Variants in MGAT4B observed in about 807,000 individuals in gnomAD.
MGAT4B encodes the protein N-acetylglucosaminyltransferase IVb.
A neutral mutation model predicts 73.9 loss-of-function variants in MGAT4B; 38 were observed. The observed-to-expected ratio is 0.51, with a 90% CI of 0.40 to 0.67. The LOEUF is 0.67. Among genes scored for constraint, MGAT4B ranks in the 30% least tolerant of loss-of-function variants. The pLI, the probability that MGAT4B is intolerant of heterozygous loss-of-function variation, is 0.00. For missense variants in MGAT4B, 686 were observed against 735.2 expected (o/e 0.93, Z 0.77); for synonymous variants, 373 against 313.5 (o/e 1.19, Z -2.01).
Position 179,800,237 on chromosome 5 carries a change from C to T in MGAT4B, c.742G>A (p.Asp248Asn), listed in dbSNP as rs753647215. ...RVRWRTKQNL[D>N]YCFLMMYAQS... The stretch of plus-strand genomic sequence containing the variant: ...GCGTACATCATGAGGAAGCAGTAAT[C>T]GAGGTTCTGTTTGGTCCTCCACCTG... The change falls in exon 7 of 15, where the codon GAT becomes AAT. Residue 248 changes from aspartate to asparagine, a missense_variant. By Grantham distance (23) the Asp-to-Asn change is conservative (BLOSUM62 1). Coordinates refer to ENST00000292591, the MANE Select transcript of MGAT4B (RefSeq NM_014275.5). 3 of 1,613,408 alleles carry T rather than the reference C, an allele frequency of 1.9e-6. No individual in the cohort carries two copies. Among genetic ancestry groups the T allele is most frequent in the Non-Finnish European group, 2.5e-6 (3 of 1,180,010 alleles).
rs554136636 is a variant in MGAT4B at position 179,806,106 on chromosome 5, T to TG, written c.97+380dup. 1,764 of 150,516 alleles carry TG rather than the reference T, an allele frequency of 0.012. 27 individuals are homozygous for TG. Among genetic ancestry groups the TG allele is most frequent in the African/African-American group, 0.037 (1,497 of 40,932 alleles). 9.3% of individuals were successfully genotyped at this position (150,516 alleles called of 1,614,324 possible). ...CGGCGCGGGGCAGCAGGCAGCAGGG[T>TG]GGGGGGGTGCCCTCGCGCCTGTGTC... On this transcript the variant is annotated intron_variant, in intron 1 of 14. Coordinates refer to ENST00000292591, the MANE Select transcript of MGAT4B (RefSeq NM_014275.5). This position sits in a 1 kb window ranked among gnomAD's most constrained non-coding sequence, Gnocchi z 4.6.
rs969977025 is a variant in MGAT4B at position 179,801,158 on chromosome 5, T to TGGGTAG, written c.558+170_558+175dup. 1.1e-4 allele frequency among the ~76,000 whole-genome samples: 17 copies of TGGGTAG among 151,576 alleles called. No individual in the cohort carries two copies. The highest frequency in any genetic ancestry group is 3.4e-4 in the African/African-American group (14 of 41,120). On this transcript the variant is annotated intron_variant, in intron 4 of 14. Transcript: ENST00000292591. This position sits in a 1 kb window ranked among gnomAD's most constrained non-coding sequence, Gnocchi z 4.8. ...AAGGACTAGGGGGTGGCGGGGGCGA[T>TGGGTAG]GGGTAGGGGTAGAGGGTGCCAGAAA...
chr5:179,803,175 G>A (rs549856822), intron 1 of MGAT4B: 25 of 985,598 alleles, frequency 2.5e-5, no homozygotes, highest in East Asian at 2.3e-4. Flanking sequence ...TTAAGGAGCA[G>A]GGAGCCAGGT....
rs758840770 is a variant in MGAT4B, at chr5:179,801,241, G to T, written c.558+93C>A. On this transcript the variant is annotated intron_variant, in intron 4 of 14. Coordinates refer to ENST00000292591, the MANE Select transcript of MGAT4B (RefSeq NM_014275.5). This position sits in a 1 kb window ranked among gnomAD's most constrained non-coding sequence, Gnocchi z 4.8. ...GAATGAAACTAGCAACTGAACTTCC[G>T]ACAGCTTTCTCCTCGGAATGGTTCC... 5 of 1,462,848 alleles carry T rather than the reference G, an allele frequency of 3.4e-6. No homozygotes were observed. The South Asian group carries it at 4.1e-5, about 12-fold the overall frequency. 90.6% of individuals were successfully genotyped at this position (1,462,848 alleles called of 1,614,324 possible).
At position 179,801,914 on chromosome 5, in the gene MGAT4B, G is replaced by A. The variant is rs768672968; in HGVS notation, c.153C>T (p.His51=). The change falls in exon 2 of 15, where the codon CAC becomes CAT. Residue 51 remains histidine (H), a synonymous_variant. Coordinates refer to ENST00000292591, the MANE Select transcript of MGAT4B (RefSeq NM_014275.5). The surrounding 1 kb of genome is among the most constrained non-coding windows in gnomAD (Gnocchi z 4.8). ...GCTTGAGGCTCTCCTGCTCAGCTGC[G>A]TGCAACCGATCGCGCAGCGCCAGGA... The part of the protein sequence containing the change: ...REFLALRDRL[H]AAEQESLKRS... 1.1e-5 allele frequency: 17 copies of A among 1,613,362 alleles called. No homozygotes were observed. Among genetic ancestry groups the A allele is most frequent in the South Asian group, 7.7e-5 (7 of 91,092 alleles).
At chr5:179,798,710 T>C (rs1354389400) in intron 11 of MGAT4B, 119 bp from the exon 12 acceptor site, 17 of 1,237,656 alleles carry the variant, frequency 1.4e-5, no homozygotes, top group Non-Finnish European at 2.0e-5. Flanking sequence ...TGTCAGGCTG[T>C]GCAAAGAGAC....
intron 1 of MGAT4B, chr5:179,802,932 C>A (rs1757010029): frequency 2.0e-6 from 2 of 985,402 alleles, no homozygotes; most frequent in Non-Finnish European, 2.4e-6. Flanking sequence ...GAAGCCTGAC[C>A]GAACTCCCTC....
chr5:179,806,203 T>C lies in MGAT4B; in HGVS notation c.97+284A>G. ...CGGGACCTCTGTGACCTTGGGTCTC[T>C]GCCCCTCTCCGAGAACCCCACGGGT... On this transcript the variant is annotated intron_variant, in intron 1 of 14. Transcript: ENST00000292591. This position sits in a 1 kb window ranked among gnomAD's most constrained non-coding sequence, Gnocchi z 4.6. 6.2e-6 allele frequency: 1 copy of C among 161,182 alleles called. No homozygotes were observed. The highest frequency in any genetic ancestry group is 1.4e-5 in the Non-Finnish European group (1 of 74,034). 10.0% of individuals were successfully genotyped at this position (161,182 alleles called of 1,614,324 possible). A position where few individuals can be genotyped will look rare whatever the true frequency, so the allele number is the denominator to read the frequency against.
chr5:179,800,369 T>G, intron 6 of MGAT4B, 110 bp from the exon 7 acceptor site: 1 of 1,458,642 alleles, frequency 6.9e-7, no homozygotes, highest in East Asian at 2.3e-5. Context: ...CATGCACGGG[T>G]CCTCCCATGG....
Position 179,801,463 on chromosome 5 carries a change from C to T in MGAT4B, c.429G>A (p.Ser143=), listed in dbSNP as rs139876332. 412 of 1,606,590 alleles carry T rather than the reference C, an allele frequency of 2.6e-4. 1 individual carries two copies. The highest frequency in any genetic ancestry group is 3.5e-4 in the Admixed American group (21 of 59,866). Residue 143 remains serine (S), a synonymous_variant, in exon 4 of 15, where the codon TCG becomes TCA. Transcript: ENST00000292591. This position sits in a 1 kb window ranked among gnomAD's most constrained non-coding sequence, Gnocchi z 4.8. The stretch of plus-strand genomic sequence containing the variant: ...GCACGCTCGGGATGCCCATCACCAC[C>T]GACACTATGGGGGACGGAGGCCCGA... ...VRVGQGRTGV[S]VVMGIPSVRR...
rs561073025 is a variant in MGAT4B, at chr5:179,806,663, AGGCGGCGGC to A, written c.-89_-81del. 24 of 582,914 alleles carry A rather than the reference AGGCGGCGGC, an allele frequency of 4.1e-5. No individual in the cohort carries two copies. The highest frequency in any genetic ancestry group is 1.5e-4 in the South Asian group (2 of 13,524). The allele number at this position is 582,914 out of a possible 1,614,324, so 36.1% of individuals were successfully genotyped here. The stretch of plus-strand genomic sequence containing the variant: ...CCGGGGCCGGGGCGCAGGGGTCGGA[AGGCGGCGGC>A]GGCGGCGGCAGGGGCCCCGGCCCCG... On this transcript the variant is annotated 5_prime_UTR_variant, in exon 1 of 15. Transcript: ENST00000292591. This position sits in a 1 kb window ranked among gnomAD's most constrained non-coding sequence, Gnocchi z 4.6.
chr5:179,803,257 A>C, intron 1 of MGAT4B: 1 of 985,260 alleles, frequency 1.0e-6, no homozygotes, highest in Non-Finnish European at 1.2e-6. Context: ...TCTGGGGCTA[A>C]AGGCTGAGGC....
chr5:179,803,112 G>C (rs1365303652), intron 1 of MGAT4B: 1 of 985,634 alleles, frequency 1.0e-6, no homozygotes, highest in African/African-American at 1.7e-5. Flanking sequence ...GGAGGTCGAA[G>C]TGCCAAGTGA....
chr5:179,799,497 C>T lies in MGAT4B; in HGVS notation c.1041+9G>A, dbSNP rs1366493879. 1.2e-6 allele frequency: 2 copies of T among 1,613,650 alleles called. No homozygotes were observed. Among genetic ancestry groups the T allele is most frequent in the African/African-American group, 2.7e-5 (2 of 74,936 alleles). On this transcript the variant is annotated intron_variant, in intron 9 of 14. Transcript: ENST00000292591. ...CCTGCCCCTGCCAGTCCCGCCAGCT[C>T]TTGCTCACCGCATCCTTCTCGGGGT...
intron 11 of MGAT4B, 145 bp downstream of exon 11, chr5:179,798,783 C>G: frequency 8.9e-7 from 1 of 1,125,640 alleles, no homozygotes; most frequent in East Asian, 2.6e-5. Context: ...GGCTGCCTGA[C>G]TTAGTCCTCA....
chr5:179,804,398 TGG>T lies in MGAT4B; in HGVS notation c.97+2087_97+2088del, dbSNP rs1310443149. On this transcript the variant is annotated intron_variant, in intron 1 of 14. Transcript: ENST00000292591. ...CTGGGGAGGCGGACAGCCTGAAGGC[TGG>T]GAGCGCTGCATGGCTGAGACCCCGG... Among the ~76,000 whole-genome samples the T allele has an allele frequency of 4.6e-5, 7 of 152,288 alleles. No individual in the cohort carries two copies. The East Asian group carries it at 1.4e-3, about 29-fold the overall frequency.
chr5:179,803,882 T>G (rs1757042220), intron 1 of MGAT4B: 3 of 153,298 alleles, frequency 2.0e-5, no homozygotes, highest in African/African-American at 4.8e-5. Flanking sequence ...GCCCTCAGCT[T>G]CTCTGACTGT....
In MGAT4B at chr5:179,801,137, A is replaced by C. The variant is rs1239635667; in HGVS notation, c.559-184T>G. 8 of 1,138,248 alleles carry C rather than the reference A, an allele frequency of 7.0e-6. No individual in the cohort carries two copies. Among genetic ancestry groups the C allele is most frequent in the Non-Finnish European group, 8.6e-6 (7 of 813,488 alleles). 70.5% of individuals were successfully genotyped at this position (1,138,248 alleles called of 1,614,324 possible). On this transcript the variant is annotated intron_variant, in intron 4 of 14. Coordinates refer to ENST00000292591, the MANE Select transcript of MGAT4B (RefSeq NM_014275.5). This position sits in a 1 kb window ranked among gnomAD's most constrained non-coding sequence, Gnocchi z 4.8. ...CCCTTTGGGACTCGCATGGCCAAGGACTAGGGGGTGGCGGGGGCGATGGGT... is the reference window on the plus strand; with the variant it reads ...CCCTTTGGGACTCGCATGGCCAAGGCCTAGGGGGTGGCGGGGGCGATGGGT...
chr5:179,801,287 G>A lies in MGAT4B; in HGVS notation c.558+47C>T, dbSNP rs748605790. On this transcript the variant is annotated intron_variant, in intron 4 of 14. Coordinates refer to ENST00000292591, the MANE Select transcript of MGAT4B (RefSeq NM_014275.5). This position sits in a 1 kb window ranked among gnomAD's most constrained non-coding sequence, Gnocchi z 4.8. ...GTTCCTGCTGTCAGTTCTGCACCGC[G>A]GGGGCTCCTCTGAATGTCCCCCAAC... 2 of 1,573,336 alleles carry A rather than the reference G, an allele frequency of 1.3e-6. No individual in the cohort carries two copies. The highest frequency in any genetic ancestry group is 1.1e-5 in the South Asian group (1 of 87,922).
Sources: gnomAD v4.1 joint callset for allele counts (sites outside exome capture counted in the v4.1 genomes callset) on GRCh38, gnomAD v4.1.1 for gene constraint, Gnocchi (gnomAD v3.1) non-coding constraint, MANE v1.5 for transcripts, NCBI Gene and HGNC (gene_info 2026-07-23, HGNC 2026-07-21) for gene names.